The following RAB3IP variants were observed in gnomAD, a reference collection of about 807,000 sequenced individuals.
The protein encoded by RAB3IP is rab-3A-interacting protein.
RAB3IP carries 36 observed loss-of-function variants against 59.1 expected under a neutral mutation model. That is an observed-to-expected ratio of 0.61 (90% CI 0.47 to 0.80). The LOEUF is 0.80. Among genes scored for constraint, RAB3IP ranks in the 30% least tolerant of loss-of-function variants. The probability of loss-of-function intolerance (pLI) is 0.00; values close to 1 mark genes in which losing one functional copy is unlikely to be tolerated. For missense variants in RAB3IP, 511 were observed against 536.0 expected (o/e 0.95, Z 0.46); for synonymous variants, 207 against 191.2 (o/e 1.08, Z -0.68).
intron 4 of RAB3IP, among the ~76,000 whole-genome samples, chr12:69,791,538 T>C (rs182330029): frequency 6.6e-6 from 1 of 152,252 alleles, no homozygotes; most frequent in East Asian, 1.9e-4. Context: ...TAAGAAGACA[T>C]ACAAATGGCC....
chr12:69,754,825 TTAGA>T (rs1869934085), intron 1 of RAB3IP, among the ~76,000 whole-genome samples: 1 of 152,164 alleles, frequency 6.6e-6, no homozygotes, highest in African/African-American at 2.4e-5. Context: ...CATAATACTG[TTAGA>T]TTTTGTTTTT....
intron 3 of RAB3IP, among the ~76,000 whole-genome samples, chr12:69,762,629 C>T (rs995948960): frequency 5.9e-5 from 9 of 151,696 alleles, no homozygotes; most frequent in Admixed American, 2.0e-4. Flanking sequence ...TGGTGGCAGA[C>T]GCCTGTAGTC....
intron 1 of RAB3IP, among the ~76,000 whole-genome samples, chr12:69,753,215 T>C (rs561276836): frequency 2.6e-5 from 4 of 152,372 alleles, no homozygotes; most frequent in African/African-American, 9.6e-5. Context: ...CTTTCAACTT[T>C]GCTGAAATCT....
intron 3 of RAB3IP, among the ~76,000 whole-genome samples, chr12:69,780,806 A>G (rs1288090791): frequency 6.6e-6 from 1 of 151,104 alleles, no homozygotes; most frequent in Non-Finnish European, 1.5e-5. Flanking sequence ...TTCCTCCTAA[A>G]TCTTTTTTTT....
At chr12:69,747,828 G>A (rs2136106914) in intron 1 of RAB3IP, among the ~76,000 whole-genome samples, 1 of 152,206 alleles carries the variant, frequency 6.6e-6, no homozygotes, top group African/African-American at 2.4e-5. Context: ...GAAGATATTT[G>A]GGCTCAGATA....
At chr12:69,763,016 A>G (rs1231312557) in intron 3 of RAB3IP, among the ~76,000 whole-genome samples, 2 of 152,208 alleles carry the variant, frequency 1.3e-5, no homozygotes, top group Non-Finnish European at 2.9e-5. Context: ...AGTTGAAGAC[A>G]CTTTTATAAG....
intron 1 of RAB3IP, among the ~76,000 whole-genome samples, chr12:69,741,209 CT>C (rs1400637783): frequency 6.6e-6 from 1 of 152,166 alleles, no homozygotes; most frequent in East Asian, 1.9e-4. Flanking sequence ...TTTTCGATAC[CT>C]TGACTCCTCA....
chr12:69,790,516 A>G (rs1022409974), intron 4 of RAB3IP, among the ~76,000 whole-genome samples: 1 of 152,186 alleles, frequency 6.6e-6, no homozygotes, highest in African/African-American at 2.4e-5. Context: ...TCCCTGTGAA[A>G]ATCCCAATGG....
At chr12:69,766,141 T>G (rs891988989) in intron 3 of RAB3IP, among the ~76,000 whole-genome samples, 1 of 152,250 alleles carries the variant, frequency 6.6e-6, no homozygotes, top group African/African-American at 2.4e-5. Context: ...CCTGTGACGA[T>G]CTTCATTTTG....
intron 3 of RAB3IP, among the ~76,000 whole-genome samples, chr12:69,768,674 C>A (rs918609985): frequency 1.3e-5 from 2 of 152,176 alleles, no homozygotes; most frequent in Non-Finnish European, 2.9e-5. Flanking sequence ...TGGCTGCAAG[C>A]CTTGCTGCCC....
intron 3 of RAB3IP, among the ~76,000 whole-genome samples, chr12:69,781,332 C>G (rs1874671812): frequency 6.6e-6 from 1 of 152,134 alleles, no homozygotes; most frequent in Non-Finnish European, 1.5e-5. Context: ...GCATTCCCTA[C>G]CAGAGTGGTA....
At chr12:69,806,505 T>G (rs1879298758) in intron 8 of RAB3IP, among the ~76,000 whole-genome samples, 1 of 151,866 alleles carries the variant, frequency 6.6e-6, no homozygotes, top group African/African-American at 2.4e-5. Context: ...CCTTCAGTTC[T>G]GCTCTGATCT....
intron 2 of RAB3IP, among the ~76,000 whole-genome samples, 184 bp downstream of exon 2, chr12:69,755,843 A>G (rs1222439664): frequency 6.6e-6 from 1 of 152,244 alleles, no homozygotes; most frequent in African/African-American, 2.4e-5. Flanking sequence ...AGGACCAGAT[A>G]GTAAATATTT....
At chr12:69,813,979 TA>T (rs1254000252) in intron 10 of RAB3IP, among the ~76,000 whole-genome samples, 3 of 152,162 alleles carry the variant, frequency 2.0e-5, no homozygotes, top group African/African-American at 7.2e-5. Flanking sequence ...TTTTAATGCC[TA>T]AAACATTAGA....
At chr12:69,759,298 G>A (rs1443409909) in intron 3 of RAB3IP, among the ~76,000 whole-genome samples, 37 of 145,174 alleles carry the variant, frequency 2.5e-4, no homozygotes, top group Middle Eastern at 3.2e-3. Flanking sequence ...GCACAGGGTT[G>A]GGGGTAAGGT....
At chr12:69,755,350 TAA>T in intron 1 of RAB3IP, 32 bp from the exon 2 acceptor site, 1 of 1,540,808 alleles carries the variant, frequency 6.5e-7, no homozygotes, top group Non-Finnish European at 8.9e-7. Context: ...TGTTATTATC[TAA>T]AAATAAGTAT....
At chr12:69,798,010 A>T (rs905301902) in intron 6 of RAB3IP, among the ~76,000 whole-genome samples, 2 of 152,180 alleles carry the variant, frequency 1.3e-5, no homozygotes, top group Non-Finnish European at 2.9e-5. Flanking sequence ...TTATAGCAGC[A>T]TGATTTATAG....
chr12:69,807,461 ACGGC>A (rs1879589222), intron 8 of RAB3IP, among the ~76,000 whole-genome samples: 1 of 70,754 alleles, frequency 1.4e-5, no homozygotes, highest in Admixed American at 1.5e-4. Flanking sequence ...CCCAGACAGG[ACGGC>A]TGGGCAGAGG....
intron 6 of RAB3IP, among the ~76,000 whole-genome samples, chr12:69,799,193 G>A (rs908087461): frequency 5.9e-5 from 9 of 152,164 alleles, no homozygotes; most frequent in African/African-American, 2.2e-4. Context: ...GCTACACTCA[G>A]CTCTATGTTA....
Sources: gnomAD v4.1 joint callset for allele counts (sites outside exome capture counted in the v4.1 genomes callset) on GRCh38, gnomAD v4.1.1 for gene constraint, MANE v1.5 for transcripts, NCBI Gene and HGNC (gene_info 2026-07-23, HGNC 2026-07-21) for gene names.